Variants in ROBO2 observed in about 807,000 individuals in gnomAD.
The protein encoded by ROBO2 is roundabout guidance receptor 2.
In ROBO2, 53 loss-of-function variants were observed where a neutral mutation model predicts 160.8. The ratio of observed to expected loss-of-function variants is 0.33; its 90% CI spans 0.26 to 0.41. The LOEUF (loss-of-function observed/expected upper bound fraction) is 0.41. ROBO2 is among the 10% of genes least tolerant of loss of function. The pLI is 1.00. For missense variants in ROBO2, 1,577 were observed against 1,722.4 expected (o/e 0.92, Z 1.49); for synonymous variants, 664 against 611.7 (o/e 1.09, Z -1.26).
chr3:76,445,237 A>G (rs1243509597), intron 2 of ROBO2, among the ~76,000 whole-genome samples: 2 of 152,162 alleles, frequency 1.3e-5, no homozygotes, highest in Admixed American at 6.6e-5. Context: ...TGTACAGGGA[A>G]GTGCACATGA....
Position 77,206,784 on chromosome 3 carries a change from A to G in ROBO2, c.388+108444A>G, listed in dbSNP as rs572582073. 8.5e-5 allele frequency among the ~76,000 whole-genome samples: 13 copies of G among 152,220 alleles called. No individual in the cohort carries two copies. The South Asian group carries it at 2.7e-3, about 32-fold the overall frequency. On this transcript the variant is annotated intron_variant, in intron 2 of 25. Coordinates refer to ENST00000461745, the Ensembl canonical transcript of ROBO2. ...CTTGGCATTTTTAAGTTTTTGATGG[A>G]CATTCTAAATAACGTTGCAATATTC...
intron 2 of ROBO2, among the ~76,000 whole-genome samples, chr3:76,089,753 T>A (rs932689666): frequency 1.3e-5 from 2 of 152,274 alleles, no homozygotes; most frequent in South Asian, 2.1e-4. Flanking sequence ...ACTCAAAGCT[T>A]CCTCATTAAG....
At chr3:76,272,233 C>G (rs1707477657) in intron 2 of ROBO2, among the ~76,000 whole-genome samples, 1 of 151,990 alleles carries the variant, frequency 6.6e-6, no homozygotes, top group Non-Finnish European at 1.5e-5. Context: ...AGGCATAAAT[C>G]CTTTATAATT....
At chr3:76,958,139 A>G (rs1457438321) in intron 2 of ROBO2, among the ~76,000 whole-genome samples, 1 of 152,180 alleles carries the variant, frequency 6.6e-6, no homozygotes. Flanking sequence ...AATATTCCAG[A>G]CTAAGAGCTG....
chr3:75,975,048 T>G (rs929960285), intron 2 of ROBO2, among the ~76,000 whole-genome samples: 3 of 151,478 alleles, frequency 2.0e-5, no homozygotes, highest in African/African-American at 7.3e-5. Context: ...TAAAAAAAAT[T>G]GAATTATTTT....
At chr3:75,913,546 G>C (rs893584302) in intron 1 of ROBO2, among the ~76,000 whole-genome samples, 3 of 152,142 alleles carry the variant, frequency 2.0e-5, no homozygotes, top group Non-Finnish European at 2.9e-5. Flanking sequence ...GTTTTCATCT[G>C]ACTGATAACA....
intron 2 of ROBO2, among the ~76,000 whole-genome samples, chr3:76,102,646 T>C (rs1229522737): frequency 6.6e-6 from 1 of 152,176 alleles, no homozygotes; most frequent in African/African-American, 2.4e-5. Context: ...TTAGTGATTA[T>C]GAATACTTTT....
intron 2 of ROBO2, among the ~76,000 whole-genome samples, chr3:77,269,701 A>G (rs1009477906): frequency 8.5e-5 from 13 of 152,198 alleles, no homozygotes; most frequent in African/African-American, 2.9e-4. Context: ...CCATATGCAC[A>G]AGGGAGGGAC....
At chr3:76,089,197 GT>G (rs1256052780) in intron 2 of ROBO2, among the ~76,000 whole-genome samples, 2 of 151,932 alleles carry the variant, frequency 1.3e-5, no homozygotes, top group Non-Finnish European at 2.9e-5. Flanking sequence ...TAGTTAATCA[GT>G]TACCAAAATA....
chr3:76,249,414 T>A (rs1400441277), intron 2 of ROBO2, among the ~76,000 whole-genome samples: 1 of 152,072 alleles, frequency 6.6e-6, no homozygotes, highest in Non-Finnish European at 1.5e-5. Context: ...AAGAGAATTT[T>A]AATAAGTGAA....
chr3:76,810,161 T>A (rs780764321), intron 2 of ROBO2, among the ~76,000 whole-genome samples: 2 of 151,972 alleles, frequency 1.3e-5, no homozygotes, highest in East Asian at 1.9e-4. Flanking sequence ...ATGGAGAAAA[T>A]GACCAGTGTT....
At chr3:77,051,281 TG>T (rs2065205281) in intron 1 of ROBO2, among the ~76,000 whole-genome samples, 3 of 152,194 alleles carry the variant, frequency 2.0e-5, no homozygotes, top group Admixed American at 2.0e-4. Flanking sequence ...TCAGAAAATA[TG>T]TACAACATGT....
At chr3:76,603,581 A>C (rs998983208) in intron 2 of ROBO2, among the ~76,000 whole-genome samples, 4 of 151,612 alleles carry the variant, frequency 2.6e-5, no homozygotes, top group Non-Finnish European at 5.9e-5. Context: ...GATGGCTTGA[A>C]GTTTTTTTTC....
intron 2 of ROBO2, among the ~76,000 whole-genome samples, chr3:76,178,775 CTACTAA>C (rs1189687360): frequency 6.6e-6 from 1 of 152,018 alleles, no homozygotes; most frequent in Admixed American, 6.6e-5. Context: ...AACCCTGTCT[CTACTAA>C]AAGTACAAAA....
chr3:76,776,713 A>G (rs1369358442), intron 2 of ROBO2, among the ~76,000 whole-genome samples: 1 of 150,998 alleles, frequency 6.6e-6, no homozygotes, highest in Non-Finnish European at 1.5e-5. Context: ...AGTATGTGGT[A>G]TCTTTAATGG....
intron 1 of ROBO2, among the ~76,000 whole-genome samples, chr3:77,068,089 A>C (rs1348384294): frequency 6.6e-6 from 1 of 151,998 alleles, no homozygotes; most frequent in Non-Finnish European, 1.5e-5. Context: ...ATATTTGTAA[A>C]ATTTTCCAAA....
intron 2 of ROBO2, among the ~76,000 whole-genome samples, chr3:76,811,499 T>A (rs1252306119): frequency 1.3e-5 from 2 of 152,130 alleles, no homozygotes; most frequent in Non-Finnish European, 2.9e-5. Flanking sequence ...GATTTGGTTT[T>A]AAATGTCGTG....
chr3:76,404,215 AC>A (rs1241308726), intron 2 of ROBO2, among the ~76,000 whole-genome samples: 2 of 151,714 alleles, frequency 1.3e-5, no homozygotes, highest in African/African-American at 4.8e-5. Flanking sequence ...AAAAATAATG[AC>A]AACATAGAAT....
At chr3:76,369,768 T>C (rs1314984717) in intron 2 of ROBO2, among the ~76,000 whole-genome samples, 1 of 151,932 alleles carries the variant, frequency 6.6e-6, no homozygotes, top group Non-Finnish European at 1.5e-5. Flanking sequence ...ATACTAAATA[T>C]TTCCTGGGTT....
Sources: allele counts gnomAD v4.1 joint callset (sites outside exome capture counted in the v4.1 genomes callset), GRCh38; gene constraint gnomAD v4.1.1; transcripts MANE v1.5; gene names NCBI Gene and HGNC (gene_info 2026-07-23, HGNC 2026-07-21).